Variants in PCDHGC3 observed in about 807,000 individuals in gnomAD.
PCDHGC3 encodes the protein protocadherin gamma subfamily C, 3.
PCDHGC3 carries 26 observed loss-of-function variants against 59.2 expected under a neutral mutation model. The observed-to-expected ratio is 0.44, with a 90% CI of 0.32 to 0.61. The LOEUF is 0.61. PCDHGC3 is among the 20% of genes least tolerant of loss of function. The pLI, the probability that PCDHGC3 is intolerant of heterozygous loss-of-function variation, is 0.05. For missense variants in PCDHGC3, 1,080 were observed against 1,221.8 expected (o/e 0.88, Z 1.73); for synonymous variants, 487 against 519.7 (o/e 0.94, Z 0.86).
intron 2 of PCDHGC3, among the ~76,000 whole-genome samples, chr5:141,498,451 T>C (rs1426888821): frequency 6.6e-6 from 1 of 152,126 alleles, no homozygotes; most frequent in Non-Finnish European, 1.5e-5. Context: ...AGGTTCCTTT[T>C]ATCCAGTCTA....
chr5:141,487,356 C>T lies in PCDHGC3; in HGVS notation c.2431-7451C>T. 6.2e-7 allele frequency: 1 copy of T among 1,614,220 alleles called. No individual in the cohort carries two copies. The highest frequency in any genetic ancestry group is 8.5e-7 in the Non-Finnish European group (1 of 1,180,042). ...GCCTGTGGAGTCACATGCTTTCCTG[C>T]TGGCACCTGTGCCTGTCTCACCAGA... On this transcript the variant is annotated intron_variant, in intron 1 of 3. Transcript: ENST00000308177. This position sits in a 1 kb window ranked among gnomAD's most constrained non-coding sequence, Gnocchi z 5.0.
rs1488446232 is a variant in PCDHGC3, at chr5:141,493,171, A to G, written c.2431-1636A>G. On this transcript the variant is annotated intron_variant, in intron 1 of 3. Coordinates refer to ENST00000308177, the MANE Select transcript of PCDHGC3 (RefSeq NM_002588.4). This position sits in a 1 kb window ranked among gnomAD's most constrained non-coding sequence, Gnocchi z 4.3. ...GGTGATTTTGATAGCTGATTGAGAG[A>G]AACTTACTATATAACTCCTTTGAGA... is the stretch of plus-strand genomic sequence containing the variant. 6.6e-6 allele frequency among the ~76,000 whole-genome samples: 1 copy of G among 152,214 alleles called. No homozygotes were observed. The highest frequency in any genetic ancestry group is 1.5e-5 in the Non-Finnish European group (1 of 68,034).
chr5:141,485,134 C>G lies in PCDHGC3; in HGVS notation c.2430+6588C>G, dbSNP rs967744072. 1.3e-6 allele frequency: 2 copies of G among 1,495,962 alleles called. No individual in the cohort carries two copies. Among genetic ancestry groups the G allele is most frequent in the South Asian group, 2.4e-5 (2 of 84,482 alleles). 92.7% of individuals were successfully genotyped at this position (1,495,962 alleles called of 1,614,324 possible). ...CTGTTTGGGGCGGGTCGGCTTCATC[C>G]GCGTCTCAGGAGCAAGTAGAGAATT... On this transcript the variant is annotated intron_variant, in intron 1 of 3. Transcript: ENST00000308177. The surrounding 1 kb of genome is among the most constrained non-coding windows in gnomAD (Gnocchi z 5.7).
chr5:141,502,514 T>A (rs2099814743), intron 2 of PCDHGC3, among the ~76,000 whole-genome samples: 1 of 152,202 alleles, frequency 6.6e-6, no homozygotes, highest in African/African-American at 2.4e-5. Flanking sequence ...TGTCCCACTA[T>A]CAGTGATGCC....
In PCDHGC3 at chr5:141,489,684, T is replaced by C. The variant is rs2099690710; in HGVS notation, c.2431-5123T>C. 1.2e-6 allele frequency: 2 copies of C among 1,614,062 alleles called. No individual in the cohort carries two copies. The highest frequency in any genetic ancestry group is 8.5e-7 in the Non-Finnish European group (1 of 1,180,034). On this transcript the variant is annotated intron_variant, in intron 1 of 3. Coordinates refer to ENST00000308177, the MANE Select transcript of PCDHGC3 (RefSeq NM_002588.4). This position sits in a 1 kb window ranked among gnomAD's most constrained non-coding sequence, Gnocchi z 4.5. ...TGCGCATCTCAGAATCAGCAGCATCTGGGGCACGATTCCCACTGGACAGTG... is the reference window on the plus strand; with the variant it reads ...TGCGCATCTCAGAATCAGCAGCATCCGGGGCACGATTCCCACTGGACAGTG...
chr5:141,477,878 C>A lies in PCDHGC3; in HGVS notation c.1762C>A (p.His588Asn). Reference protein sequence around the residue: ...EMLPRGTSAGHLVSRVVGWDA... With the variant: ...EMLPRGTSAGNLVSRVVGWDA... ...GCTGCCTCGAGGTACCTCAGCTGGC[C>A]ACCTAGTGTCACGGGTGGTAGGCTG... is the stretch of plus-strand genomic sequence containing the variant. The change falls in exon 1 of 4, where the codon CAC becomes AAC. Residue 588 changes from histidine (H) to asparagine (N), a missense_variant. Transcript: ENST00000308177. The surrounding 1 kb of genome is among the most constrained non-coding windows in gnomAD (Gnocchi z 4.9). 1.2e-6 allele frequency: 2 copies of A among 1,614,158 alleles called. No individual in the cohort carries two copies. Among genetic ancestry groups the A allele is most frequent in the Non-Finnish European group, 1.7e-6 (2 of 1,180,008 alleles).
Position 141,485,267 on chromosome 5 carries a change from C to T in PCDHGC3, c.2430+6721C>T, listed in dbSNP as rs767229426. On this transcript the variant is annotated intron_variant, in intron 1 of 3. Transcript: ENST00000308177. This position sits in a 1 kb window ranked among gnomAD's most constrained non-coding sequence, Gnocchi z 5.7. ...CCTGGGTTACGTTTGTGGGCAGATC[C>T]GCTACCCGGTCCCAGAGGAGTCACA... is the stretch of plus-strand genomic sequence containing the variant. 6.2e-7 allele frequency: 1 copy of T among 1,614,088 alleles called. No homozygotes were observed. Among genetic ancestry groups the T allele is most frequent in the South Asian group, 1.1e-5 (1 of 91,082 alleles).
In PCDHGC3 at chr5:141,490,912, AATG is replaced by A; in HGVS notation, c.2431-3892_2431-3890del. 6.2e-7 allele frequency: 1 copy of A among 1,613,644 alleles called. No homozygotes were observed. Among genetic ancestry groups the A allele is most frequent in the Non-Finnish European group, 8.5e-7 (1 of 1,179,684 alleles). On this transcript the variant is annotated intron_variant, in intron 1 of 3. Transcript: ENST00000308177. This position sits in a 1 kb window ranked among gnomAD's most constrained non-coding sequence, Gnocchi z 5.4. ...TCTGCATGTGTTTGTCCTAGACGAG[AATG>A]ATAATGCCCCAGCTGTGCTGCACCC...
intron 1 of PCDHGC3, among the ~76,000 whole-genome samples, chr5:141,494,177 TG>T (rs2099752471): frequency 6.6e-6 from 1 of 152,176 alleles, no homozygotes; most frequent in Non-Finnish European, 1.5e-5. Flanking sequence ...GGGTGAGAAG[TG>T]TCCCGGGACT....
chr5:141,504,474 G>A (rs903417314), intron 2 of PCDHGC3, among the ~76,000 whole-genome samples: 1 of 152,066 alleles, frequency 6.6e-6, no homozygotes, highest in African/African-American at 2.4e-5. Context: ...TGGGATGGGA[G>A]TACAGTGGAG....
rs1488305057 is a variant in PCDHGC3, at chr5:141,477,736, C to G, written c.1620C>G (p.Ser540Arg). 6.2e-7 allele frequency: 1 copy of G among 1,613,790 alleles called. No homozygotes were observed. The highest frequency in any genetic ancestry group is 1.1e-5 in the South Asian group (1 of 91,088). The change falls in exon 1 of 4, where the codon AGC becomes AGG. Residue 540 changes from serine to arginine, a missense_variant. Coordinates refer to ENST00000308177, the MANE Select transcript of PCDHGC3 (RefSeq NM_002588.4). This position sits in a 1 kb window ranked among gnomAD's most constrained non-coding sequence, Gnocchi z 4.9. ...AATTTGAATTAACAGCTCATATCAG[C>G]GATGGGGGCACCCCGGTCCTAGCCA... ...RREFELTAHI[S>R]DGGTPVLATN...
Position 141,477,771 on chromosome 5 carries a change from G to A in PCDHGC3, c.1655G>A (p.Ser552Asn). 1 of 1,613,992 alleles carries A rather than the reference G, an allele frequency of 6.2e-7. No homozygotes were observed. The highest frequency in any genetic ancestry group is 1.3e-5 in the African/African-American group (1 of 75,054). ...ACCCCGGTCCTAGCCACCAACATCA[G>A]CGTGAACATATTTGTCACTGATCGC... ...GGTPVLATNI[S>N]VNIFVTDRND... The change falls in exon 1 of 4, where the codon AGC (serine) becomes AAC (asparagine). Residue 552 changes from serine (S) to asparagine (N), a missense_variant. By Grantham distance (46) the Ser-to-Asn change is conservative (BLOSUM62 1). Transcript: ENST00000308177. This position sits in a 1 kb window ranked among gnomAD's most constrained non-coding sequence, Gnocchi z 4.9.
chr5:141,497,892 C>T (rs2099780275), intron 2 of PCDHGC3, among the ~76,000 whole-genome samples: 1 of 152,138 alleles, frequency 6.6e-6, no homozygotes, highest in Admixed American at 6.6e-5. Flanking sequence ...AGGATCTAGT[C>T]CAGTAACTTC....
In PCDHGC3 at chr5:141,492,559, C is replaced by A. The variant is rs533830391; in HGVS notation, c.2431-2248C>A. ...GGGCTGGGCCGGGTCGCCTGGGGGG[C>A]GGCCTGAGCGAGGCGCGGGGCCAGG... On this transcript the variant is annotated intron_variant, in intron 1 of 3. Coordinates refer to ENST00000308177, the MANE Select transcript of PCDHGC3 (RefSeq NM_002588.4). 2.6e-5 allele frequency among the ~76,000 whole-genome samples: 4 copies of A among 152,292 alleles called. No individual in the cohort carries two copies. The East Asian group carries it at 7.7e-4, about 29-fold the overall frequency.
chr5:141,509,621 C>T (rs1179988828), intron 3 of PCDHGC3, among the ~76,000 whole-genome samples: 1 of 152,178 alleles, frequency 6.6e-6, no homozygotes, highest in African/African-American at 2.4e-5. Flanking sequence ...AAACAAGTTC[C>T]TGGGTGATGC....
Position 141,476,556 on chromosome 5 carries a change from C to A in PCDHGC3, c.440C>A (p.Ala147Asp). 1 of 1,614,234 alleles carries A rather than the reference C, an allele frequency of 6.2e-7. No homozygotes were observed. Among genetic ancestry groups the A allele is most frequent in the Non-Finnish European group, 8.5e-7 (1 of 1,180,036 alleles). ...TQEMKLEISE[A>D]VAPGTRFPLE... ...GAAATGAAATTGGAGATTAGCGAGG[C>A]CGTGGCTCCGGGGACGCGCTTTCCG... The change falls in exon 1 of 4, where the codon GCC becomes GAC. Residue 147 changes from alanine to aspartate, a missense_variant. By Grantham distance (126) the Ala-to-Asp change is moderately radical. Coordinates refer to ENST00000308177, the MANE Select transcript of PCDHGC3 (RefSeq NM_002588.4). The surrounding 1 kb of genome is among the most constrained non-coding windows in gnomAD (Gnocchi z 7.6).
In PCDHGC3 at chr5:141,494,832, G is replaced by A. The variant is rs758427900; in HGVS notation, c.2456G>A (p.Arg819His). The A allele has an allele frequency of 1.2e-6, 2 of 1,614,066 alleles. No homozygotes were observed. Among genetic ancestry groups the A allele is most frequent in the Non-Finnish European group, 1.7e-6 (2 of 1,179,994 alleles). The change falls in exon 2 of 4, where the codon CGT (arginine) becomes CAT (histidine). Residue 819 changes from arginine (R) to histidine (H), a missense_variant. Transcript: ENST00000308177. ...CAAGCCCCGCCCAACACGGACTGGC[G>A]TTTCTCTCAGGCCCAGAGACCCGGC... ...GQQAPPNTDW[R>H]FSQAQRPGTS...
At chr5:141,500,947 C>T (rs933082173) in intron 2 of PCDHGC3, among the ~76,000 whole-genome samples, 15 of 151,822 alleles carry the variant, frequency 9.9e-5, no homozygotes, top group African/African-American at 3.6e-4. Context: ...CGGCTCACTG[C>T]AAGCTCCACC....
chr5:141,488,497 C>T (rs1054409265), intron 1 of PCDHGC3, among the ~76,000 whole-genome samples: 3 of 152,204 alleles, frequency 2.0e-5, no homozygotes, highest in South Asian at 2.1e-4. Flanking sequence ...CTGTAACACT[C>T]ATTCCACATT....
Sources: gnomAD v4.1 joint callset for allele counts (sites outside exome capture counted in the v4.1 genomes callset) on GRCh38, gnomAD v4.1.1 for gene constraint, Gnocchi (gnomAD v3.1) non-coding constraint, MANE v1.5 for transcripts, NCBI Gene and HGNC (gene_info 2026-07-23, HGNC 2026-07-21) for gene names.